Variants in ANGPT1 observed in about 807,000 individuals in gnomAD.
ANGPT1 encodes the protein angiopoietin-1.
ANGPT1 carries 17 observed loss-of-function variants against 62.2 expected under a neutral mutation model. The observed-to-expected ratio is 0.27, with a 90% confidence interval of 0.19 to 0.41. The LOEUF (loss-of-function observed/expected upper bound fraction) is 0.41. Among genes scored for constraint, ANGPT1 ranks in the 10% least tolerant of loss-of-function variants. The pLI is 1.00. For synonymous variants in ANGPT1, 199 were observed against 198.9 expected (o/e 1.00, Z 0.00); for missense variants, 478 against 594.9 (o/e 0.80, Z 2.04).
chr8:107,294,624 C>T (rs1368529603), intron 5 of ANGPT1: 2 of 152,204 alleles, frequency 1.3e-5, no homozygotes, highest in East Asian at 3.9e-4. Context: ...ATATTATTTG[C>T]TTGTATTTTA....
chr8:107,419,668 G>A (rs908742599), intron 1 of ANGPT1, among the ~76,000 whole-genome samples: 17 of 152,094 alleles, frequency 1.1e-4, no homozygotes, highest in African/African-American at 3.1e-4. Context: ...CAGGGACCCC[G>A]GGAGAGTTGA....
chr8:107,465,332 C>A (rs1812172888), intron 1 of ANGPT1, among the ~76,000 whole-genome samples: 1 of 152,068 alleles, frequency 6.6e-6, no homozygotes, highest in African/African-American at 2.4e-5. Context: ...GTTAGGGATG[C>A]TTTTTGGCTC....
At chr8:107,366,667 G>C (rs1317958164) in intron 1 of ANGPT1, among the ~76,000 whole-genome samples, 1 of 152,050 alleles carries the variant, frequency 6.6e-6, no homozygotes, top group Non-Finnish European at 1.5e-5. Flanking sequence ...ACTGATTATT[G>C]AATCTAAAGA....
chr8:107,366,962 A>C lies in ANGPT1; in HGVS notation c.298-19865T>G, dbSNP rs540638658. 2.0e-5 allele frequency among the ~76,000 whole-genome samples: 3 copies of C among 152,216 alleles called. No individual in the cohort carries two copies. In the South Asian group the frequency reaches 6.2e-4, roughly 32 times the overall value. On this transcript the variant is annotated intron_variant, in intron 1 of 8. Transcript: ENST00000517746. The stretch of plus-strand genomic sequence containing the variant: ...GAAACCTTATGGTGGAGAGACCCAC[A>C]TGGTGAGAAACTGAGGCCTTCCAAC...
chr8:107,329,578 C>T lies in ANGPT1; in HGVS notation c.575+6572G>A, dbSNP rs564442041. 1.5e-4 allele frequency among the ~76,000 whole-genome samples: 23 copies of T among 151,874 alleles called. No homozygotes were observed. The South Asian group carries it at 1.7e-3, about 11-fold the overall frequency. On this transcript the variant is annotated intron_variant, in intron 3 of 8. Transcript: ENST00000517746. Reference sequence around the variant, plus strand: ...ATCTCTATTTTATTCATGTTGAAAACGATAAATGGATTTACAGTATTTAAT... The same window carrying T: ...ATCTCTATTTTATTCATGTTGAAAATGATAAATGGATTTACAGTATTTAAT...
At chr8:107,364,288 T>C (rs1329804558) in intron 1 of ANGPT1, among the ~76,000 whole-genome samples, 1 of 152,136 alleles carries the variant, frequency 6.6e-6, no homozygotes, top group East Asian at 1.9e-4. Flanking sequence ...TTATTATTAC[T>C]ACGATTTTTT....
At chr8:107,256,102 A>G (rs995344847) in intron 8 of ANGPT1, among the ~76,000 whole-genome samples, 6 of 152,326 alleles carry the variant, frequency 3.9e-5, no homozygotes, top group African/African-American at 9.6e-5. Flanking sequence ...TTAACTCTTT[A>G]TCTTAAGACT....
intron 1 of ANGPT1, among the ~76,000 whole-genome samples, chr8:107,471,564 T>A (rs968998739): frequency 2.0e-5 from 3 of 151,924 alleles, no homozygotes; most frequent in Non-Finnish European, 2.9e-5. Context: ...AAAACAAAAA[T>A]CATAAACTTT....
chr8:107,485,375 G>T (rs1812789737), intron 1 of ANGPT1, among the ~76,000 whole-genome samples: 1 of 152,128 alleles, frequency 6.6e-6, no homozygotes, highest in African/African-American at 2.4e-5. Flanking sequence ...ACCCTGCTTT[G>T]TCCTCTTTGG....
Position 107,291,851 on chromosome 8 carries a change from T to A in ANGPT1, c.1038+2085A>T, listed in dbSNP as rs1336081301. Among the ~76,000 whole-genome samples, 6 of 123,314 alleles carry A rather than the reference T, an allele frequency of 4.9e-5. No homozygotes were observed. In the East Asian group the frequency reaches 1.7e-3, roughly 35 times the overall value. The allele number at this position is 123,314 out of a possible 152,430, so 80.9% of individuals were successfully genotyped here. A position where few individuals can be genotyped will look rare whatever the true frequency, so the allele number is the denominator to read the frequency against. The stretch of plus-strand genomic sequence containing the variant: ...CTAGCATTCCAATTCTCCATACCAA[T>A]CCCAAAAGATAATGATATACTTTCT... On this transcript the variant is annotated intron_variant, in intron 6 of 8. Coordinates refer to ENST00000517746, the MANE Select transcript of ANGPT1 (RefSeq NM_001146.5).
intron 7 of ANGPT1, among the ~76,000 whole-genome samples, chr8:107,272,917 T>C (rs1436680785): frequency 6.7e-6 from 1 of 148,748 alleles, no homozygotes; most frequent in African/African-American, 2.5e-5. Context: ...AGTGCCAAAA[T>C]GAATCACGTG....
At chr8:107,414,259 A>G (rs1810675378) in intron 1 of ANGPT1, among the ~76,000 whole-genome samples, 1 of 152,182 alleles carries the variant, frequency 6.6e-6, no homozygotes, top group Non-Finnish European at 1.5e-5. Context: ...ACATTGATCC[A>G]GAGATTTAAA....
At chr8:107,494,356 C>A (rs1381095003) in intron 1 of ANGPT1, among the ~76,000 whole-genome samples, 3 of 152,194 alleles carry the variant, frequency 2.0e-5, no homozygotes, top group South Asian at 2.1e-4. Flanking sequence ...ACACAGAGGC[C>A]AGCTGTATTT....
At chr8:107,318,859 A>T (rs1461140748) in intron 4 of ANGPT1, among the ~76,000 whole-genome samples, 1 of 152,094 alleles carries the variant, frequency 6.6e-6, no homozygotes. Context: ...CTTTTTTGGC[A>T]ATTTTGAACT....
At chr8:107,475,719 G>T (rs1332317699) in intron 1 of ANGPT1, among the ~76,000 whole-genome samples, 1 of 152,090 alleles carries the variant, frequency 6.6e-6, no homozygotes, top group African/African-American at 2.4e-5. Flanking sequence ...AATCTACAAA[G>T]AACTCAAACA....
chr8:107,264,145 T>C (rs1813559373), intron 8 of ANGPT1, 76 bp downstream of exon 8: 1 of 1,506,784 alleles, frequency 6.6e-7, no homozygotes, highest in Non-Finnish European at 8.9e-7. Context: ...AAGATCATAC[T>C]CCTTTCTCAT....
intron 1 of ANGPT1, among the ~76,000 whole-genome samples, chr8:107,403,074 G>T (rs1310510063): frequency 6.6e-6 from 1 of 152,142 alleles, no homozygotes; most frequent in Admixed American, 6.6e-5. Flanking sequence ...TTCTGAAAGG[G>T]AGCTTCTAGA....
chr8:107,319,274 G>A (rs779678623), intron 4 of ANGPT1, among the ~76,000 whole-genome samples: 1 of 152,112 alleles, frequency 6.6e-6, no homozygotes, highest in South Asian at 2.1e-4. Flanking sequence ...GACAGGGGAA[G>A]CTCATTAACA....
intron 8 of ANGPT1, among the ~76,000 whole-genome samples, chr8:107,253,277 C>T (rs946582218): frequency 2.6e-5 from 4 of 152,034 alleles, no homozygotes; most frequent in Non-Finnish European, 5.9e-5. Context: ...CAAAAAGGTT[C>T]TTGTTTGGAA....
Sources: gnomAD v4.1 joint callset for allele counts (sites outside exome capture counted in the v4.1 genomes callset) on GRCh38, gnomAD v4.1.1 for gene constraint, MANE v1.5 for transcripts, NCBI Gene and HGNC (gene_info 2026-07-23, HGNC 2026-07-21) for gene names.